MORC3: variants seen among roughly 807,000 people sequenced by gnomAD.
The protein encoded by MORC3 is MORC family CW-type zinc finger 3, also known as MORC family CW-type zinc finger protein 3.
In MORC3, 31 loss-of-function variants were observed where a neutral mutation model predicts 109.1. That is an observed-to-expected ratio of 0.28 (90% CI 0.21 to 0.38). The LOEUF is 0.38. Among genes scored for constraint, MORC3 ranks in the 10% least tolerant of loss-of-function variants. MORC3 has a pLI of 1.00. For synonymous variants in MORC3, 395 were observed against 380.7 expected (o/e 1.04, Z -0.44); for missense variants, 867 against 1,135.8 (o/e 0.76, Z 3.40).
intron 1 of MORC3, among the ~76,000 whole-genome samples, chr21:36,325,696 G>A (rs1490608971): frequency 3.9e-5 from 6 of 151,992 alleles, no homozygotes; most frequent in Non-Finnish European, 8.8e-5. Flanking sequence ...TGCTTTCTTC[G>A]GTTTTAATTA....
chr21:36,338,361 C>T (rs1338044306), intron 4 of MORC3, among the ~76,000 whole-genome samples: 1 of 152,076 alleles, frequency 6.6e-6, no homozygotes, highest in Non-Finnish European at 1.5e-5. Flanking sequence ...TATTCTTCTT[C>T]TTGTTCATTT....
intron 14 of MORC3, among the ~76,000 whole-genome samples, chr21:36,368,330 C>A (rs967117815): frequency 1.3e-5 from 2 of 152,018 alleles, no homozygotes; most frequent in Non-Finnish European, 2.9e-5. Flanking sequence ...TGGTGCCATT[C>A]CCTGAGCTGA....
intron 16 of MORC3, among the ~76,000 whole-genome samples, chr21:36,373,051 G>C (rs193174626): frequency 4.4e-4 from 67 of 152,180 alleles, no homozygotes; most frequent in Middle Eastern, 3.4e-3. Flanking sequence ...ATTAAAACAA[G>C]TAGATAGGCC....
intron 10 of MORC3, among the ~76,000 whole-genome samples, chr21:36,358,783 A>G (rs951550945): frequency 1.3e-5 from 2 of 151,822 alleles, no homozygotes; most frequent in African/African-American, 4.8e-5. Context: ...GGGTTCATAC[A>G]ATTCTCCTGC....
In MORC3 at chr21:36,374,772, A is replaced by T. The variant is rs149213388; in HGVS notation, c.2667-371A>T. Among the ~76,000 whole-genome samples the T allele has an allele frequency of 3.8e-3, 581 of 152,280 alleles. 1 individual carries two copies. The highest frequency in any genetic ancestry group is 0.014 in the Middle Eastern group (4 of 294). On this transcript the variant is annotated intron_variant, in intron 16 of 16. Coordinates refer to ENST00000400485, the MANE Select transcript of MORC3 (RefSeq NM_015358.3). ...ACTGCAGCCTTGACCTCCTGGGCTC[A>T]GGTGATCCCCCACCTCACCCTCTTG... is the stretch of plus-strand genomic sequence containing the variant.
At chr21:36,359,812 G>A (rs1171565138) in intron 10 of MORC3, 143 bp from the exon 11 acceptor site, 1 of 1,212,878 alleles carries the variant, frequency 8.2e-7, no homozygotes, top group African/African-American at 1.5e-5. Context: ...GTCGCACCCA[G>A]CCTAATTTTG....
chr21:36,338,805 C>T lies in MORC3; in HGVS notation c.492C>T (p.Ala164=), dbSNP rs1180890286. 6.2e-7 allele frequency: 1 copy of T among 1,613,526 alleles called. No homozygotes were observed. Among genetic ancestry groups the T allele is most frequent in the South Asian group, 1.1e-5 (1 of 91,016 alleles). Residue 164 remains alanine (A), a synonymous_variant, in exon 5 of 17, where the codon GCC becomes GCT. Coordinates refer to ENST00000400485, the MANE Select transcript of MORC3 (RefSeq NM_015358.3). ...RQMINLAESK[A]SLAAILEHSL... ...TGATTAATTTAGCAGAATCAAAAGCCAGCCTTGCTGCAATTCTGGAACATT... is the reference window on the plus strand; with the variant it reads ...TGATTAATTTAGCAGAATCAAAAGCTAGCCTTGCTGCAATTCTGGAACATT...
intron 15 of MORC3, among the ~76,000 whole-genome samples, chr21:36,370,972 G>A (rs1203770837): frequency 1.3e-5 from 2 of 151,944 alleles, no homozygotes; most frequent in Non-Finnish European, 2.9e-5. Context: ...CCTGGCCTGA[G>A]TTGCTTGTGT....
At chr21:36,349,485 C>A in intron 9 of MORC3, 77 bp downstream of exon 9, 1 of 909,124 alleles carries the variant, frequency 1.1e-6, no homozygotes, top group South Asian at 1.8e-5. Flanking sequence ...ACTCTATTTT[C>A]TGTGAATCTC....
Position 36,371,890 on chromosome 21 carries a change from C to G in MORC3, c.2509-484C>G, listed in dbSNP as rs371112777. Among the ~76,000 whole-genome samples, 3 of 151,518 alleles carry G rather than the reference C, an allele frequency of 2.0e-5. No individual in the cohort carries two copies. The East Asian group carries it at 5.8e-4, about 29-fold the overall frequency. On this transcript the variant is annotated intron_variant, in intron 15 of 16. Transcript: ENST00000400485. Reference sequence around the variant, plus strand: ...GTGCAATGGCGTGATCTCAGCTCACCGCAACCTCCACCTCCTGGGTTCAAG... The same window carrying G: ...GTGCAATGGCGTGATCTCAGCTCACGGCAACCTCCACCTCCTGGGTTCAAG...
chr21:36,356,372 C>T (rs1365663439), intron 9 of MORC3, among the ~76,000 whole-genome samples: 1 of 151,906 alleles, frequency 6.6e-6, no homozygotes, highest in African/African-American at 2.4e-5. Flanking sequence ...CTGGGCAATG[C>T]AGTTCTTGGA....
chr21:36,355,792 GA>G (rs1203624087), intron 9 of MORC3, among the ~76,000 whole-genome samples: 198 of 136,362 alleles, frequency 1.5e-3, no homozygotes, highest in Admixed American at 1.9e-3. Flanking sequence ...TACAAAAAAT[GA>G]AAAAAAAAAA....
At chr21:36,330,326 C>T (rs1759271756) in intron 1 of MORC3, among the ~76,000 whole-genome samples, 1 of 152,148 alleles carries the variant, frequency 6.6e-6, no homozygotes, top group Non-Finnish European at 1.5e-5. Flanking sequence ...AAACTTTGGT[C>T]TCCACAATCC....
At chr21:36,324,938 A>C (rs556561484) in intron 1 of MORC3, among the ~76,000 whole-genome samples, 120 of 150,408 alleles carry the variant, frequency 8.0e-4, no homozygotes, top group African/African-American at 2.7e-3. Flanking sequence ...TGAACTCCTG[A>C]CCTCAACTGA....
At chr21:36,361,491 C>T (rs1199270979) in intron 12 of MORC3, among the ~76,000 whole-genome samples, 5 of 131,816 alleles carry the variant, frequency 3.8e-5, no homozygotes, top group African/African-American at 1.2e-4. Context: ...TGTAGTGAGC[C>T]GAGCACACCA....
intron 5 of MORC3, among the ~76,000 whole-genome samples, chr21:36,340,146 C>T (rs528420327): frequency 9.3e-4 from 141 of 152,098 alleles, no homozygotes; most frequent in African/African-American, 3.2e-3. Flanking sequence ...GGCGCGGTGG[C>T]GGGCGCCTGT....
intron 2 of MORC3, among the ~76,000 whole-genome samples, chr21:36,334,069 G>T (rs1197999543): frequency 6.6e-6 from 1 of 152,038 alleles, no homozygotes; most frequent in Non-Finnish European, 1.5e-5. Context: ...TTACAGGTGT[G>T]AGCCACCGCA....
At chr21:36,320,486 C>T (rs1025574734) in intron 1 of MORC3, 183 bp downstream of exon 1, 2 of 508,160 alleles carry the variant, frequency 3.9e-6, no homozygotes, top group African/African-American at 2.0e-5. Context: ...GCGGGCCGGG[C>T]TGCGTTCCGT....
At chr21:36,346,312 C>A (rs1212571862) in intron 8 of MORC3, among the ~76,000 whole-genome samples, 3 of 152,236 alleles carry the variant, frequency 2.0e-5, no homozygotes, top group African/African-American at 4.8e-5. Context: ...AGGCAATGCG[C>A]TCGGCCTAGT....
Sources: gnomAD v4.1 joint callset for allele counts (sites outside exome capture counted in the v4.1 genomes callset) on GRCh38, gnomAD v4.1.1 for gene constraint, MANE v1.5 for transcripts, NCBI Gene and HGNC (gene_info 2026-07-23, HGNC 2026-07-21) for gene names.